SPIDR: variants seen among roughly 807,000 people sequenced by gnomAD.
SPIDR encodes the protein DNA repair-scaffolding protein.
SPIDR carries 93 observed loss-of-function variants against 104.6 expected under a neutral mutation model. That is an observed-to-expected ratio of 0.89 (90% CI 0.75 to 1.06). The LOEUF (loss-of-function observed/expected upper bound fraction) is 1.06, where lower values mean the gene tolerates loss of function less well. SPIDR is among the 50% of genes least tolerant of loss of function. The pLI is 0.00. For synonymous variants in SPIDR, 431 were observed against 416.9 expected (o/e 1.03, Z -0.41); for missense variants, 1,154 against 1,111.2 (o/e 1.04, Z -0.55).
At chr8:47,277,568 C>A (rs1255442075) in intron 1 of SPIDR, among the ~76,000 whole-genome samples, 1 of 150,210 alleles carries the variant, frequency 6.7e-6, no homozygotes, top group Non-Finnish European at 1.5e-5. Flanking sequence ...GTTTCCCAGA[C>A]TGGTCTTGAA....
At chr8:47,552,996 G>T (rs1010055165) in intron 8 of SPIDR, among the ~76,000 whole-genome samples, 1 of 152,104 alleles carries the variant, frequency 6.6e-6, no homozygotes, top group Non-Finnish European at 1.5e-5. Flanking sequence ...GTCTGTAAAG[G>T]ATTTTGTTTC....
At chr8:47,403,897 A>G (rs1363147332) in intron 6 of SPIDR, among the ~76,000 whole-genome samples, 2 of 152,200 alleles carry the variant, frequency 1.3e-5, no homozygotes, top group African/African-American at 4.8e-5. Flanking sequence ...TGCCAAGACA[A>G]TCCTAAGCCA....
intron 10 of SPIDR, among the ~76,000 whole-genome samples, chr8:47,605,381 A>C (rs540932982): frequency 6.6e-6 from 1 of 152,282 alleles, no homozygotes; most frequent in Non-Finnish European, 1.5e-5. Flanking sequence ...AAGCTCACTT[A>C]GCAGAGTAGA....
intron 8 of SPIDR, among the ~76,000 whole-genome samples, chr8:47,500,330 C>G (rs990890446): frequency 2.0e-5 from 3 of 152,200 alleles, no homozygotes; most frequent in African/African-American, 7.2e-5. Context: ...TTAATTATCA[C>G]CATTCTAACT....
intron 8 of SPIDR, among the ~76,000 whole-genome samples, chr8:47,554,247 G>A (rs149842432): frequency 0.018 from 2,767 of 152,264 alleles, 87 homozygotes; most frequent in African/African-American, 0.064. Context: ...CTCAAACTCC[G>A]TGCTGGGAGA....
chr8:47,454,697 T>C (rs1554708739), intron 8 of SPIDR, among the ~76,000 whole-genome samples: 1 of 152,008 alleles, frequency 6.6e-6, no homozygotes, highest in East Asian at 1.9e-4. Flanking sequence ...GAAAACAATA[T>C]CTTTAAGAAT....
intron 5 of SPIDR, among the ~76,000 whole-genome samples, chr8:47,313,527 A>G (rs1188312971): frequency 1.3e-5 from 2 of 152,212 alleles, no homozygotes; most frequent in Non-Finnish European, 2.9e-5. Context: ...CCATCAAGCT[A>G]CCAATGACTC....
intron 14 of SPIDR, among the ~76,000 whole-genome samples, chr8:47,703,506 T>C (rs2080629620): frequency 6.6e-6 from 1 of 152,244 alleles, no homozygotes; most frequent in South Asian, 2.1e-4. Flanking sequence ...TTGGGTTGTA[T>C]GGTTTTCATA....
At chr8:47,435,340 G>A (rs1056991203) in intron 7 of SPIDR, among the ~76,000 whole-genome samples, 2 of 151,998 alleles carry the variant, frequency 1.3e-5, no homozygotes, top group Admixed American at 6.6e-5. Flanking sequence ...GTGTGTGTGT[G>A]TGTGTGTGTG....
At chr8:47,337,039 T>C (rs1216545108) in intron 5 of SPIDR, among the ~76,000 whole-genome samples, 1 of 152,208 alleles carries the variant, frequency 6.6e-6, no homozygotes, top group African/African-American at 2.4e-5. Context: ...TTTCATGTGC[T>C]TATTGGCCAT....
intron 10 of SPIDR, among the ~76,000 whole-genome samples, chr8:47,664,925 A>G (rs562235613): frequency 1.3e-5 from 2 of 151,854 alleles, no homozygotes; most frequent in African/African-American, 4.8e-5. Flanking sequence ...AGATTATGCA[A>G]TCTGAAAGGG....
chr8:47,482,292 G>A (rs939790358), intron 8 of SPIDR, among the ~76,000 whole-genome samples: 2 of 152,084 alleles, frequency 1.3e-5, no homozygotes, highest in South Asian at 2.1e-4. Context: ...AGGCTGAGCC[G>A]AGCATAGTGG....
At chr8:47,311,801 G>A (rs1439132353) in intron 5 of SPIDR, among the ~76,000 whole-genome samples, 2 of 151,918 alleles carry the variant, frequency 1.3e-5, no homozygotes, top group Non-Finnish European at 1.5e-5. Flanking sequence ...CATGTGCCAT[G>A]TTGGTGTGCT....
intron 5 of SPIDR, among the ~76,000 whole-genome samples, chr8:47,365,895 A>G (rs1437140583): frequency 6.6e-6 from 1 of 152,136 alleles, no homozygotes; most frequent in Non-Finnish European, 1.5e-5. Context: ...AAGAAAAGCA[A>G]AATGCATTTA....
chr8:47,623,672 A>C (rs1027383396), intron 10 of SPIDR, among the ~76,000 whole-genome samples: 2 of 152,220 alleles, frequency 1.3e-5, no homozygotes, highest in African/African-American at 4.8e-5. Context: ...GGGATCAATT[A>C]AACAAGAAGA....
intron 7 of SPIDR, among the ~76,000 whole-genome samples, chr8:47,431,783 A>G (rs2067407887): frequency 1.3e-5 from 2 of 152,210 alleles, no homozygotes; most frequent in African/African-American, 4.8e-5. Context: ...TGTGGAATCA[A>G]GAAGTGAAAG....
At chr8:47,462,742 A>T (rs2074145997) in intron 8 of SPIDR, among the ~76,000 whole-genome samples, 1 of 152,220 alleles carries the variant, frequency 6.6e-6, no homozygotes, top group Non-Finnish European at 1.5e-5. Context: ...GAGATGAAAG[A>T]GTACAAACAT....
chr8:47,536,348 A>C (rs1235601721), intron 8 of SPIDR, among the ~76,000 whole-genome samples: 1 of 152,176 alleles, frequency 6.6e-6, no homozygotes, highest in Non-Finnish European at 1.5e-5. Context: ...CAATACTGAA[A>C]GAGAACAAAG....
intron 8 of SPIDR, 77 bp from the exon 9 acceptor site, chr8:47,595,734 T>C: frequency 5.7e-6 from 8 of 1,405,550 alleles, no homozygotes; most frequent in Non-Finnish European, 8.0e-6. Flanking sequence ...CATTGCTCTT[T>C]GCATTCCTGA....
Sources: allele counts gnomAD v4.1 joint callset (sites outside exome capture counted in the v4.1 genomes callset), GRCh38; gene constraint gnomAD v4.1.1; transcripts MANE v1.5; gene names NCBI Gene and HGNC (gene_info 2026-07-23, HGNC 2026-07-21).